PRKCA: variants seen among roughly 807,000 people sequenced by gnomAD.
The protein encoded by PRKCA is protein kinase C alpha type.
In PRKCA, 27 loss-of-function variants were observed where a neutral mutation model predicts 87.0. The observed-to-expected ratio is 0.31, with a 90% CI of 0.23 to 0.43. The LOEUF is 0.43. Among genes scored for constraint, PRKCA ranks in the 20% least tolerant of loss-of-function variants. PRKCA has a pLI of 1.00. For missense variants in PRKCA, 518 were observed against 852.3 expected (o/e 0.61, Z 4.88); for synonymous variants, 329 against 311.1 (o/e 1.06, Z -0.61).
At chr17:66,793,590 C>CAAAAA (rs1168440797) in intron 16 of PRKCA, among the ~76,000 whole-genome samples, 1 of 51,570 alleles carries the variant, frequency 1.9e-5, no homozygotes, top group Admixed American at 2.5e-4. Context: ...AACTCCGTCT[C>CAAAAA]AAAAAAAAAA....
At chr17:66,724,671 A>G (rs147364868) in intron 8 of PRKCA, among the ~76,000 whole-genome samples, 121 of 152,358 alleles carry the variant, frequency 7.9e-4, no homozygotes, top group Non-Finnish European at 1.0e-3. Flanking sequence ...GCGTCTGGCC[A>G]CGTTGGGCCG....
At chr17:66,647,163 CTT>C (rs1481422773) in intron 5 of PRKCA, among the ~76,000 whole-genome samples, 1 of 152,014 alleles carries the variant, frequency 6.6e-6, no homozygotes, top group African/African-American at 2.4e-5. Context: ...TCTTGTTTCT[CTT>C]TCCTACTAAG....
rs1012964392 is a variant in PRKCA, at chr17:66,514,528, A to C, written c.288+18245A>C. On this transcript the variant is annotated intron_variant, in intron 3 of 16. Coordinates refer to ENST00000413366, the MANE Select transcript of PRKCA (RefSeq NM_002737.3). ...ACTGAATAGGAGGCTCGCTCTCCTC[A>C]TTTAACAAAATGTCCAGAACAGGGC... 2.6e-5 allele frequency among the ~76,000 whole-genome samples: 4 copies of C among 152,294 alleles called. No individual in the cohort carries two copies. In the East Asian group the frequency reaches 7.7e-4, roughly 29 times the overall value.
At chr17:66,531,331 G>T (rs999695161) in intron 3 of PRKCA, among the ~76,000 whole-genome samples, 4 of 152,208 alleles carry the variant, frequency 2.6e-5, no homozygotes, top group South Asian at 2.1e-4. Context: ...TGCCTGAACT[G>T]CAGAGTCCTC....
At chr17:66,637,131 C>T (rs1437723966) in intron 3 of PRKCA, among the ~76,000 whole-genome samples, 1 of 152,154 alleles carries the variant, frequency 6.6e-6, no homozygotes, top group Non-Finnish European at 1.5e-5. Flanking sequence ...TGCCATATGG[C>T]TGTTGCGTGA....
At chr17:66,325,990 A>G (rs1905957894) in intron 2 of PRKCA, among the ~76,000 whole-genome samples, 1 of 152,164 alleles carries the variant, frequency 6.6e-6, no homozygotes, top group African/African-American at 2.4e-5. Flanking sequence ...ACACCTAAAA[A>G]TTATTTAGCA....
At chr17:66,332,219 T>G (rs1906369381) in intron 2 of PRKCA, among the ~76,000 whole-genome samples, 1 of 144,140 alleles carries the variant, frequency 6.9e-6, no homozygotes, top group African/African-American at 2.6e-5. Context: ...CCTTCCTTCC[T>G]TCCTTCCTTC....
rs1976042764 is a variant in PRKCA at position 66,806,846 on chromosome 17, A to G, written c.*2809A>G. 1 of 152,458 alleles carries G rather than the reference A, an allele frequency of 6.6e-6. No homozygotes were observed. The highest frequency in any genetic ancestry group is 2.4e-5 in the African/African-American group (1 of 41,580). 9.4% of individuals were successfully genotyped at this position (152,458 alleles called of 1,614,324 possible). A position where few individuals can be genotyped will look rare whatever the true frequency, so the allele number is the denominator to read the frequency against. On this transcript the variant is annotated 3_prime_UTR_variant, in exon 17 of 17. Coordinates refer to ENST00000413366, the MANE Select transcript of PRKCA (RefSeq NM_002737.3). ...GCACACTGCCTGAGGGACAACAGAC[A>G]TCAGAACAAACCCCCAGAGAGAAAC...
chr17:66,704,941 C>T (rs1316222363), intron 8 of PRKCA, among the ~76,000 whole-genome samples: 1 of 152,090 alleles, frequency 6.6e-6, no homozygotes, highest in African/African-American at 2.4e-5. Context: ...TGCTCTCTTC[C>T]AGTTGGGGGA....
rs758216092 is a variant in PRKCA at position 66,306,175 on chromosome 17, C to T, written c.205+48C>T. 6 of 1,513,584 alleles carry T rather than the reference C, an allele frequency of 4.0e-6. No homozygotes were observed. The South Asian group carries it at 4.7e-5, about 12-fold the overall frequency. 93.8% of individuals were successfully genotyped at this position (1,513,584 alleles called of 1,614,324 possible). A position where few individuals can be genotyped will look rare whatever the true frequency, so the allele number is the denominator to read the frequency against. The stretch of plus-strand genomic sequence containing the variant: ...ATTTTCAAGCACAACATGAAATAAG[C>T]ATTCCAAACAAGAACATTATTTCCA... On this transcript the variant is annotated intron_variant, in intron 2 of 16. Coordinates refer to ENST00000413366, the MANE Select transcript of PRKCA (RefSeq NM_002737.3).
chr17:66,777,924 T>C (rs1975098749), intron 14 of PRKCA: 3 of 985,266 alleles, frequency 3.0e-6, no homozygotes, highest in Non-Finnish European at 3.6e-6. Flanking sequence ...TGGGATCTCA[T>C]TCACTAGGGG....
chr17:66,496,167 C>G (rs747547697), intron 2 of PRKCA, 34 bp from the exon 3 acceptor site: 1 of 1,515,904 alleles, frequency 6.6e-7, no homozygotes, highest in Admixed American at 1.7e-5. Flanking sequence ...TAAATCATGT[C>G]TATTCTAATT....
At chr17:66,490,664 T>C (rs1429451345) in intron 2 of PRKCA, among the ~76,000 whole-genome samples, 1 of 152,062 alleles carries the variant, frequency 6.6e-6, no homozygotes, top group African/African-American at 2.4e-5. Flanking sequence ...CACTGCAACC[T>C]CTGCCTCCCA....
intron 8 of PRKCA, among the ~76,000 whole-genome samples, chr17:66,726,898 A>AT (rs980635837): frequency 6.6e-5 from 10 of 151,718 alleles, no homozygotes; most frequent in African/African-American, 2.2e-4. Flanking sequence ...TAATTTTTGT[A>AT]TTTTTTGGTA....
chr17:66,551,151 C>G (rs1269064538), intron 3 of PRKCA, among the ~76,000 whole-genome samples: 1 of 152,222 alleles, frequency 6.6e-6, no homozygotes, highest in Non-Finnish European at 1.5e-5. Flanking sequence ...TAGCCTTGAT[C>G]TCCTGGCCTC....
chr17:66,653,548 G>A (rs562131482), intron 5 of PRKCA, among the ~76,000 whole-genome samples: 4 of 152,272 alleles, frequency 2.6e-5, no homozygotes, highest in African/African-American at 9.6e-5. Context: ...CTATGATGGC[G>A]CCACTGCATG....
At chr17:66,731,771 C>T (rs566081987) in intron 8 of PRKCA, among the ~76,000 whole-genome samples, 20 of 142,912 alleles carry the variant, frequency 1.4e-4, no homozygotes, top group African/African-American at 4.7e-4. Flanking sequence ...CTTGTGCTCC[C>T]TTTCTTTTTT....
chr17:66,370,324 C>T (rs1265808959), intron 2 of PRKCA, among the ~76,000 whole-genome samples: 6 of 149,538 alleles, frequency 4.0e-5, no homozygotes, highest in South Asian at 2.1e-4. Flanking sequence ...CTCTGCCTCC[C>T]GGGTTCAAGC....
intron 5 of PRKCA, among the ~76,000 whole-genome samples, chr17:66,646,327 G>C (rs530420802): frequency 6.6e-6 from 1 of 152,258 alleles, no homozygotes; most frequent in African/African-American, 2.4e-5. Context: ...GGCACACTCA[G>C]TCAAGTTATC....
Sources: allele counts gnomAD v4.1 joint callset (sites outside exome capture counted in the v4.1 genomes callset), GRCh38; gene constraint gnomAD v4.1.1; transcripts MANE v1.5; gene names NCBI Gene and HGNC (gene_info 2026-07-23, HGNC 2026-07-21).